The following GRIK1 variants were observed in gnomAD, a reference collection of about 807,000 sequenced individuals.
GRIK1 encodes glutamate receptor ionotropic, kainate 1.
A neutral mutation model predicts 105.7 loss-of-function variants in GRIK1; 69 were observed. The observed-to-expected ratio is 0.65, with a 90% confidence interval of 0.54 to 0.80. The LOEUF is 0.80. Ranked by LOEUF, GRIK1 falls within the 30% of genes least tolerant of loss-of-function variation. The probability of loss-of-function intolerance (pLI) is 0.00; values close to 1 mark genes in which losing one functional copy is unlikely to be tolerated. For missense variants in GRIK1, 1,109 were observed against 1,167.3 expected (o/e 0.95, Z 0.73); for synonymous variants, 438 against 431.3 (o/e 1.02, Z -0.19).
chr21:29,837,194 T>C (rs1198079910), intron 1 of GRIK1, among the ~76,000 whole-genome samples: 2 of 152,206 alleles, frequency 1.3e-5, no homozygotes, highest in Admixed American at 1.3e-4. Flanking sequence ...TATTTTCTGG[T>C]ATCTCTCTCT....
chr21:29,846,256 C>T (rs1321996661), intron 1 of GRIK1, among the ~76,000 whole-genome samples: 1 of 147,178 alleles, frequency 6.8e-6, no homozygotes, highest in African/African-American at 2.5e-5. Context: ...GGGCGCGTGG[C>T]GCATGCCTGT....
intron 1 of GRIK1, among the ~76,000 whole-genome samples, chr21:29,699,398 C>G (rs940092070): frequency 6.6e-6 from 1 of 152,060 alleles, no homozygotes. Flanking sequence ...CACAGATATA[C>G]CAGGGACTTG....
At chr21:29,932,854 G>A (rs2071615054) in intron 1 of GRIK1, among the ~76,000 whole-genome samples, 1 of 150,790 alleles carries the variant, frequency 6.6e-6, no homozygotes, top group South Asian at 2.1e-4. Context: ...TACATTCCTG[G>A]AAAAGATATT....
At chr21:29,674,847 C>G (rs976587314) in intron 3 of GRIK1, among the ~76,000 whole-genome samples, 1 of 152,150 alleles carries the variant, frequency 6.6e-6, no homozygotes, top group African/African-American at 2.4e-5. Context: ...ACACATGAAT[C>G]TTTTCTCTTT....
intron 14 of GRIK1, among the ~76,000 whole-genome samples, chr21:29,568,451 G>C (rs994515394): frequency 6.6e-6 from 1 of 152,160 alleles, no homozygotes; most frequent in African/African-American, 2.4e-5. Flanking sequence ...CCACTCCCTG[G>C]AAAGAGATGA....
chr21:29,587,727 TAAAA>T (rs3216133), intron 11 of GRIK1, 138 bp from the exon 12 acceptor site: 2 of 591,020 alleles, frequency 3.4e-6, no homozygotes, highest in Non-Finnish European at 5.9e-6. Context: ...TTGGTTCTAA[TAAAA>T]AAAAGCCAAT....
At chr21:29,805,511 A>G (rs1205950221) in intron 1 of GRIK1, among the ~76,000 whole-genome samples, 1 of 152,158 alleles carries the variant, frequency 6.6e-6, no homozygotes, top group African/African-American at 2.4e-5. Flanking sequence ...CTGCCTTTTA[A>G]ATTTTGAAGA....
chr21:29,934,611 A>G (rs2071684994), intron 1 of GRIK1, among the ~76,000 whole-genome samples: 1 of 152,216 alleles, frequency 6.6e-6, no homozygotes, highest in African/African-American at 2.4e-5. Context: ...ACACACACTT[A>G]TACTGTGTGT....
intron 1 of GRIK1, among the ~76,000 whole-genome samples, chr21:29,814,086 T>G (rs1218833349): frequency 6.8e-6 from 1 of 146,948 alleles, no homozygotes; most frequent in Non-Finnish European, 1.5e-5. Context: ...GGCTAATATA[T>G]ATATATAAAA....
At chr21:29,620,413 T>C (rs984215865) in intron 7 of GRIK1, among the ~76,000 whole-genome samples, 10 of 152,102 alleles carry the variant, frequency 6.6e-5, no homozygotes, top group East Asian at 1.9e-4. Flanking sequence ...AAAATCAGAA[T>C]TGGCAGCCAA....
chr21:29,692,809 G>A (rs761974734), intron 2 of GRIK1, among the ~76,000 whole-genome samples: 4 of 152,176 alleles, frequency 2.6e-5, no homozygotes, highest in Non-Finnish European at 5.9e-5. Context: ...TCCTGACCTC[G>A]TGATCCACCT....
At chr21:29,686,324 A>G (rs1279374231) in intron 3 of GRIK1, among the ~76,000 whole-genome samples, 2 of 152,220 alleles carry the variant, frequency 1.3e-5, no homozygotes, top group African/African-American at 2.4e-5. Context: ...TGTTTATCCA[A>G]TGAACCAGAA....
chr21:29,575,502 C>T (rs182936548), intron 14 of GRIK1, among the ~76,000 whole-genome samples: 2 of 152,006 alleles, frequency 1.3e-5, no homozygotes, highest in Admixed American at 6.5e-5. Flanking sequence ...TCATTTTGAA[C>T]TCAATGGAAA....
intron 1 of GRIK1, among the ~76,000 whole-genome samples, chr21:29,884,767 A>G (rs1189231179): frequency 1.3e-5 from 2 of 152,106 alleles, no homozygotes; most frequent in African/African-American, 4.8e-5. Flanking sequence ...TAACTTGACT[A>G]GTTAAAACTG....
intron 1 of GRIK1, among the ~76,000 whole-genome samples, chr21:29,715,753 AC>A (rs2064162583): frequency 6.6e-6 from 1 of 150,806 alleles, no homozygotes; most frequent in South Asian, 2.1e-4. Context: ...ACCCCTTTCT[AC>A]CTAAGAGTAG....
Position 29,861,911 on chromosome 21 carries a change from T to C in GRIK1, c.118+77472A>G, listed in dbSNP as rs552890393. 3.3e-5 allele frequency among the ~76,000 whole-genome samples: 5 copies of C among 152,324 alleles called. No homozygotes were observed. The East Asian group carries it at 9.6e-4, about 29-fold the overall frequency. On this transcript the variant is annotated intron_variant, in intron 1 of 17. Coordinates refer to ENST00000327783, the MANE Select transcript of GRIK1 (RefSeq NM_001330994.2). The stretch of plus-strand genomic sequence containing the variant: ...GCATCAAAATCTTTGAGAGATATTG[T>C]TTTGTAGTCCTTGTTATGTTTTCAA...
At chr21:29,600,267 G>A (rs2061495032) in intron 7 of GRIK1, among the ~76,000 whole-genome samples, 1 of 152,138 alleles carries the variant, frequency 6.6e-6, no homozygotes, top group African/African-American at 2.4e-5. Context: ...ATGAGGACAT[G>A]GGTAACTTTT....
chr21:29,612,917 C>T (rs971503286), intron 7 of GRIK1, among the ~76,000 whole-genome samples: 3 of 152,110 alleles, frequency 2.0e-5, no homozygotes, highest in Non-Finnish European at 4.4e-5. Context: ...ACTTAAATAG[C>T]ATTTTAATTG....
At chr21:29,920,083 A>G (rs1021819560) in intron 1 of GRIK1, among the ~76,000 whole-genome samples, 1 of 152,132 alleles carries the variant, frequency 6.6e-6, no homozygotes, top group African/African-American at 2.4e-5. Flanking sequence ...AATATTTTGA[A>G]TGTTTTTTTC....
Sources: gnomAD v4.1 joint callset for allele counts (sites outside exome capture counted in the v4.1 genomes callset) on GRCh38, gnomAD v4.1.1 for gene constraint, MANE v1.5 for transcripts, NCBI Gene and HGNC (gene_info 2026-07-23, HGNC 2026-07-21) for gene names.